HIPK2: variants seen among roughly 807,000 people sequenced by gnomAD.
The protein encoded by HIPK2 is homeodomain-interacting protein kinase 2.
HIPK2 carries 27 observed loss-of-function variants against 113.7 expected under a neutral mutation model. The observed-to-expected ratio is 0.24, with a 90% confidence interval of 0.17 to 0.33. HIPK2 has a LOEUF of 0.33. Among genes scored for constraint, HIPK2 ranks in the 10% least tolerant of loss-of-function variants. The pLI, the probability that HIPK2 is intolerant of heterozygous loss-of-function variation, is 1.00. For missense variants in HIPK2, 1,257 were observed against 1,588.0 expected (o/e 0.79, Z 3.54); for synonymous variants, 631 against 642.2 (o/e 0.98, Z 0.26).
intron 2 of HIPK2, among the ~76,000 whole-genome samples, chr7:139,665,031 TTC>T (rs201864754): frequency 4.2e-5 from 5 of 118,334 alleles, no homozygotes; most frequent in Non-Finnish European, 7.2e-5. Flanking sequence ...CCCTTCTTCT[TTC>T]TCTCTCTTTT....
chr7:139,584,053 T>A lies in HIPK2; in HGVS notation c.2729A>T (p.Lys910Met). ...QKHAPTSTVS[K>M]QRKNVISCVT... ...ACAGCTGATGACGTTTTTTCTTTGC[T>A]TGGAGACAGTGCTGAAAATGCAAAG... The change falls in exon 13 of 15, where the codon AAG becomes ATG. Residue 910 changes from lysine to methionine, a missense_variant. Lys to Met is a moderately conservative substitution (Grantham distance 95). Transcript: ENST00000406875. The A allele has an allele frequency of 6.3e-7, 1 of 1,587,808 alleles. No homozygotes were observed. Among genetic ancestry groups the A allele is most frequent in the Middle Eastern group, 1.8e-4 (1 of 5,674 alleles).
chr7:139,675,662 G>C (rs1426482447), intron 2 of HIPK2, among the ~76,000 whole-genome samples: 2 of 152,212 alleles, frequency 1.3e-5, no homozygotes, highest in African/African-American at 4.8e-5. Context: ...CATGCTGTGA[G>C]TTATATGTTT....
At chr7:139,623,757 A>G (rs903777662) in intron 6 of HIPK2, among the ~76,000 whole-genome samples, 5 of 152,076 alleles carry the variant, frequency 3.3e-5, no homozygotes, top group Non-Finnish European at 7.4e-5. Flanking sequence ...GTAGGCCAGA[A>G]AGGGGCGGGT....
intron 1 of HIPK2, among the ~76,000 whole-genome samples, chr7:139,746,893 T>G (rs1165984303): frequency 2.0e-5 from 3 of 152,038 alleles, no homozygotes; most frequent in Non-Finnish European, 2.9e-5. Flanking sequence ...CTCACACCCC[T>G]CGCTTGTCTC....
At position 139,563,671 on chromosome 7, in the gene HIPK2, G is replaced by A; in HGVS notation, c.*9256C>T. ...CCACCACACAAACAGGAAAGTGGGA[G>A]TATGATTAGGAGGGGTGAGATGAAA... On this transcript the variant is annotated 3_prime_UTR_variant, in exon 15 of 15. Coordinates refer to ENST00000406875, the MANE Select transcript of HIPK2 (RefSeq NM_022740.5). 2 of 396,934 alleles carry A rather than the reference G, an allele frequency of 5.0e-6. No individual in the cohort carries two copies. The highest frequency in any genetic ancestry group is 8.9e-6 in the Non-Finnish European group (2 of 225,574). 24.6% of individuals were successfully genotyped at this position (396,934 alleles called of 1,614,324 possible). A position where few individuals can be genotyped will look rare whatever the true frequency, so the allele number is the denominator to read the frequency against.
Position 139,565,939 on chromosome 7 carries a change from T to A in HIPK2, c.*6988A>T, listed in dbSNP as rs1459240205. The A allele has an allele frequency of 6.6e-6, 1 of 152,176 alleles. No homozygotes were observed. Among genetic ancestry groups the A allele is most frequent in the African/African-American group, 2.4e-5 (1 of 41,452 alleles). The allele number at this position is 152,176 out of a possible 1,614,324, so 9.4% of individuals were successfully genotyped here. A position where few individuals can be genotyped will look rare whatever the true frequency, so the allele number is the denominator to read the frequency against. ...AGTATTGCCTTTCTAGAATTAACTA[T>A]AAGCAAGAAAAACTTATTTTTTAAA... On this transcript the variant is annotated 3_prime_UTR_variant, in exon 15 of 15. Transcript: ENST00000406875.
At chr7:139,724,028 A>C (rs1585423293) in intron 1 of HIPK2, among the ~76,000 whole-genome samples, 1 of 151,928 alleles carries the variant, frequency 6.6e-6, no homozygotes, top group Non-Finnish European at 1.5e-5. Flanking sequence ...TTCATAATAA[A>C]GAACTCAAAG....
rs1345346052 is a variant in HIPK2, at chr7:139,712,232, C to T, written c.1103+3700G>A. 2.6e-5 allele frequency among the ~76,000 whole-genome samples: 4 copies of T among 152,234 alleles called. No homozygotes were observed. The East Asian group carries it at 5.8e-4, about 22-fold the overall frequency. ...ACCAGTGGGCTTGCCTCACAGAATA[C>T]CAACAGCCACTGTGGCCAGGCACAT... is the stretch of plus-strand genomic sequence containing the variant. On this transcript the variant is annotated intron_variant, in intron 2 of 14. Coordinates refer to ENST00000406875, the MANE Select transcript of HIPK2 (RefSeq NM_022740.5).
chr7:139,612,679 AT>A (rs1451086645), intron 9 of HIPK2, among the ~76,000 whole-genome samples: 3 of 152,134 alleles, frequency 2.0e-5, no homozygotes, highest in Admixed American at 6.5e-5. Context: ...CACTTTACAA[AT>A]TTTCAACCAT....
At chr7:139,588,161 T>C (rs993708887) in intron 12 of HIPK2, among the ~76,000 whole-genome samples, 2 of 151,564 alleles carry the variant, frequency 1.3e-5, no homozygotes, top group Admixed American at 6.6e-5. Context: ...CTACTAAAAA[T>C]ACAAAAATTA....
At chr7:139,576,909 C>A (rs1014452446) in intron 13 of HIPK2, among the ~76,000 whole-genome samples, 5 of 152,280 alleles carry the variant, frequency 3.3e-5, no homozygotes, top group African/African-American at 4.8e-5. Flanking sequence ...GGACCATCAC[C>A]CCTTGATAAA....
intron 9 of HIPK2, among the ~76,000 whole-genome samples, chr7:139,612,815 G>A (rs1799884269): frequency 6.6e-6 from 1 of 152,072 alleles, no homozygotes. Flanking sequence ...AATCACCAAG[G>A]CTCCTTTTGG....
In HIPK2 at chr7:139,631,576, T is replaced by C; in HGVS notation, c.1227+26A>G. On this transcript the variant is annotated intron_variant, in intron 3 of 14. Coordinates refer to ENST00000406875, the MANE Select transcript of HIPK2 (RefSeq NM_022740.5). The surrounding 1 kb of genome is among the most constrained non-coding windows in gnomAD (Gnocchi z 4.9). Reference sequence around the variant, plus strand: ...TTTCCAGATGAAGAATGAGGTCTTGTGAATATCTGTGTCATCTGGACCCAC... The same window carrying C: ...TTTCCAGATGAAGAATGAGGTCTTGCGAATATCTGTGTCATCTGGACCCAC... The C allele has an allele frequency of 1.9e-6, 3 of 1,606,658 alleles. No individual in the cohort carries two copies. Among genetic ancestry groups the C allele is most frequent in the Non-Finnish European group, 2.5e-6 (3 of 1,177,118 alleles).
intron 9 of HIPK2, among the ~76,000 whole-genome samples, chr7:139,612,347 T>A (rs986080641): frequency 2.6e-5 from 4 of 152,198 alleles, no homozygotes; most frequent in Non-Finnish European, 5.9e-5. Flanking sequence ...AACATTTAGG[T>A]CAAGCTACTC....
At chr7:139,762,732 C>T (rs1301475437) in intron 1 of HIPK2, among the ~76,000 whole-genome samples, 1 of 152,134 alleles carries the variant, frequency 6.6e-6, no homozygotes, top group African/African-American at 2.4e-5. Context: ...CACTGATTTG[C>T]CAAGTTTTCA....
chr7:139,640,855 A>G (rs1402058801), intron 2 of HIPK2, among the ~76,000 whole-genome samples: 1 of 152,062 alleles, frequency 6.6e-6, no homozygotes, highest in Admixed American at 6.5e-5. Context: ...AGCTCAAGCA[A>G]TCCTTCCGCT....
At chr7:139,734,801 T>C (rs1391855714) in intron 1 of HIPK2, among the ~76,000 whole-genome samples, 1 of 152,228 alleles carries the variant, frequency 6.6e-6, no homozygotes, top group Admixed American at 6.5e-5. Flanking sequence ...TAGATTGTGA[T>C]TTCTAGAATC....
chr7:139,588,689 G>C (rs942238138), intron 12 of HIPK2, among the ~76,000 whole-genome samples: 1 of 152,144 alleles, frequency 6.6e-6, no homozygotes, highest in Non-Finnish European at 1.5e-5. Context: ...AGGACGAGGA[G>C]GGAGCAGGAG....
chr7:139,603,929 C>T (rs1302408103), intron 10 of HIPK2, 152 bp downstream of exon 10: 1 of 462,036 alleles, frequency 2.2e-6, no homozygotes, highest in African/African-American at 2.1e-5. Flanking sequence ...TTACCCTGCA[C>T]TCATAGTCCA....
Sources: gnomAD v4.1 joint callset for allele counts (sites outside exome capture counted in the v4.1 genomes callset) on GRCh38, gnomAD v4.1.1 for gene constraint, Gnocchi (gnomAD v3.1) non-coding constraint, MANE v1.5 for transcripts, NCBI Gene and HGNC (gene_info 2026-07-23, HGNC 2026-07-21) for gene names.